The following ADCY2 variants were observed in gnomAD, a reference collection of about 807,000 sequenced individuals.
The protein encoded by ADCY2 is adenylate cyclase 2, also known as adenylate cyclase type 2.
A neutral mutation model predicts 125.2 loss-of-function variants in ADCY2; 31 were observed. That is an observed-to-expected ratio of 0.25 (90% CI 0.19 to 0.33). The LOEUF is 0.33. Ranked by LOEUF, ADCY2 falls within the 10% of genes least tolerant of loss-of-function variation. The pLI, the probability that ADCY2 is intolerant of heterozygous loss-of-function variation, is 1.00. For missense variants in ADCY2, 904 were observed against 1,418.2 expected (o/e 0.64, Z 5.82); for synonymous variants, 512 against 548.4 (o/e 0.93, Z 0.93).
At chr5:7,823,463 G>T (rs9313204) in intron 24 of ADCY2, among the ~76,000 whole-genome samples, 1 of 151,910 alleles carries the variant, frequency 6.6e-6, no homozygotes, top group African/African-American at 2.4e-5. Context: ...ATCGTGGGGC[G>T]TTTTGGCAGC....
At chr5:7,426,822 C>T (rs1740405439) in intron 2 of ADCY2, among the ~76,000 whole-genome samples, 1 of 152,104 alleles carries the variant, frequency 6.6e-6, no homozygotes, top group Admixed American at 6.5e-5. Flanking sequence ...GCTCCTTTTG[C>T]CATCTCTAAA....
chr5:7,589,520 G>GAA (rs781438703), intron 3 of ADCY2, among the ~76,000 whole-genome samples: 9 of 101,266 alleles, frequency 8.9e-5, no homozygotes, highest in Middle Eastern at 4.9e-3. Flanking sequence ...GAAAAGAAAA[G>GAA]AAAGAGAAAG....
chr5:7,717,818 G>A (rs1741637629), intron 12 of ADCY2, among the ~76,000 whole-genome samples: 1 of 152,132 alleles, frequency 6.6e-6, no homozygotes. Context: ...GAATGACTGC[G>A]CTCATCACCC....
At chr5:7,509,739 A>G (rs1424179101) in intron 2 of ADCY2, among the ~76,000 whole-genome samples, 3 of 152,230 alleles carry the variant, frequency 2.0e-5, no homozygotes, top group African/African-American at 7.2e-5. Context: ...TTCACATTCT[A>G]TAGAGTTGAT....
chr5:7,678,301 A>AG (rs1419415683), intron 4 of ADCY2, among the ~76,000 whole-genome samples: 1 of 152,162 alleles, frequency 6.6e-6, no homozygotes, highest in Non-Finnish European at 1.5e-5. Context: ...CAGCCACAGG[A>AG]GTAGCGTTCA....
intron 16 of ADCY2, among the ~76,000 whole-genome samples, chr5:7,762,286 A>G (rs989136426): frequency 1.3e-5 from 2 of 152,238 alleles, no homozygotes; most frequent in Non-Finnish European, 2.9e-5. Flanking sequence ...TACAGAAAGG[A>G]AGTAACATGA....
At chr5:7,725,821 G>T (rs1741911922) in intron 13 of ADCY2, among the ~76,000 whole-genome samples, 1 of 152,130 alleles carries the variant, frequency 6.6e-6, no homozygotes, top group Admixed American at 6.5e-5. Context: ...AATTATGCTG[G>T]CTACTAAGTC....
In ADCY2 at chr5:7,744,191, G is replaced by A. The variant is rs576749429; in HGVS notation, c.1956+439G>A. Among the ~76,000 whole-genome samples, 4 of 152,124 alleles carry A rather than the reference G, an allele frequency of 2.6e-5. No homozygotes were observed. The South Asian group carries it at 8.3e-4, about 32-fold the overall frequency. ...AACAATGAGGACACATGGACACAGG[G>A]AGGGGAACATCACACACTGGGGCCT... is the stretch of plus-strand genomic sequence containing the variant. On this transcript the variant is annotated intron_variant, in intron 15 of 24. Coordinates refer to ENST00000338316, the MANE Select transcript of ADCY2 (RefSeq NM_020546.3).
rs3033075 is a variant in ADCY2, at chr5:7,539,355, T to TAA, written c.570+18468_570+18469dup. 1.8e-3 allele frequency among the ~76,000 whole-genome samples: 271 copies of TAA among 147,590 alleles called. 3 individuals are homozygous for TAA. In the South Asian group the frequency reaches 0.021, roughly 11 times the overall value. On this transcript the variant is annotated intron_variant, in intron 3 of 24. Transcript: ENST00000338316. ...AAAGGACTACCAAAATGCATGGGAT[T>TAA]AAAAAAAAAAAAATAAAACCTCATG...
At chr5:7,629,094 ACCAGCC>A (rs1300232310) in intron 4 of ADCY2, among the ~76,000 whole-genome samples, 2 of 152,242 alleles carry the variant, frequency 1.3e-5, no homozygotes, top group African/African-American at 4.8e-5. Flanking sequence ...ATATGTGTTG[ACCAGCC>A]AGAAAACAGT....
At chr5:7,784,479 A>G in intron 19 of ADCY2, 30 bp downstream of exon 19, 1 of 1,528,532 alleles carries the variant, frequency 6.5e-7, no homozygotes. Flanking sequence ...ATATGTATGT[A>G]TACCTTCTCT....
At chr5:7,819,268 C>A (rs1388693461) in intron 23 of ADCY2, among the ~76,000 whole-genome samples, 2 of 152,318 alleles carry the variant, frequency 1.3e-5, no homozygotes, top group Non-Finnish European at 1.5e-5. Context: ...AGGAACAGTA[C>A]CTTGCATCTG....
At chr5:7,410,627 T>G (rs1178637104) in intron 1 of ADCY2, among the ~76,000 whole-genome samples, 1 of 152,246 alleles carries the variant, frequency 6.6e-6, no homozygotes, top group Non-Finnish European at 1.5e-5. Context: ...CATTATATGG[T>G]AAATTTTATT....
chr5:7,585,179 G>T (rs1392110513), intron 3 of ADCY2, among the ~76,000 whole-genome samples: 2 of 152,064 alleles, frequency 1.3e-5, no homozygotes, highest in African/African-American at 4.8e-5. Context: ...CTGAGAATAT[G>T]TTCACATTCA....
chr5:7,707,560 T>C (rs2126353937), intron 8 of ADCY2, 146 bp from the exon 9 acceptor site: 1 of 922,472 alleles, frequency 1.1e-6, no homozygotes, highest in South Asian at 1.9e-5. Context: ...TCCAAAGCAG[T>C]GGTCAATAGA....
At chr5:7,503,586 G>A (rs575591004) in intron 2 of ADCY2, among the ~76,000 whole-genome samples, 1 of 152,140 alleles carries the variant, frequency 6.6e-6, no homozygotes, top group African/African-American at 2.4e-5. Flanking sequence ...GCCGTTGGGG[G>A]GATCTGGACA....
At chr5:7,564,102 G>C (rs1403287612) in intron 3 of ADCY2, among the ~76,000 whole-genome samples, 1 of 152,162 alleles carries the variant, frequency 6.6e-6, no homozygotes. Flanking sequence ...CATAGTCTTT[G>C]TAAATATATT....
chr5:7,419,204 C>T (rs1740088236), intron 2 of ADCY2, among the ~76,000 whole-genome samples: 1 of 152,178 alleles, frequency 6.6e-6, no homozygotes, highest in Non-Finnish European at 1.5e-5. Context: ...ATTGCTGATA[C>T]TAATTGCAAG....
intron 3 of ADCY2, among the ~76,000 whole-genome samples, chr5:7,615,280 A>G (rs1737716319): frequency 1.3e-5 from 2 of 152,148 alleles, no homozygotes; most frequent in African/African-American, 4.8e-5. Context: ...GCCTCCTCAG[A>G]TCCATATGTG....
Sources: gnomAD v4.1 joint callset for allele counts (sites outside exome capture counted in the v4.1 genomes callset) on GRCh38, gnomAD v4.1.1 for gene constraint, MANE v1.5 for transcripts, NCBI Gene and HGNC (gene_info 2026-07-23, HGNC 2026-07-21) for gene names.